Variants in COL6A6 observed in about 807,000 individuals in gnomAD.
The protein encoded by COL6A6 is collagen alpha-6(VI) chain.
A neutral mutation model predicts 208.6 loss-of-function variants in COL6A6; 183 were observed. The ratio of observed to expected loss-of-function variants is 0.88; its 90% CI spans 0.78 to 0.99. COL6A6 has a LOEUF of 0.99. Among genes scored for constraint, COL6A6 ranks in the 50% least tolerant of loss-of-function variants. COL6A6 has a pLI of 0.00. For missense variants in COL6A6, 2,816 were observed against 2,815.2 expected (o/e 1.00, Z -0.01); for synonymous variants, 973 against 1,011.8 (o/e 0.96, Z 0.73).
At chr3:130,590,904 A>G in intron 12 of COL6A6, 137 bp from the exon 13 acceptor site, 1 of 690,644 alleles carries the variant, frequency 1.4e-6, no homozygotes, top group Non-Finnish European at 2.6e-6. Flanking sequence ...AATGCAACCT[A>G]CATTGGGAAG....
At chr3:130,605,194 T>C (rs6774269) in intron 20 of COL6A6, among the ~76,000 whole-genome samples, 5,221 of 152,268 alleles carry the variant, frequency 0.034, 332 homozygotes, top group African/African-American at 0.12. Flanking sequence ...ATCTCAAAAA[T>C]CTCTTCTTCC....
rs78900487 is a variant in COL6A6, at chr3:130,590,898, C to T, written c.4219-143C>T. 6.9e-4 allele frequency: 467 copies of T among 674,334 alleles called. 1 individual carries two copies. In the African/African-American group the frequency reaches 7.2e-3, roughly 10 times the overall value. The allele number at this position is 674,334 out of a possible 1,614,324, so 41.8% of individuals were successfully genotyped here. ...CCATTTCTTTTTATGTGTGTAAATG[C>T]AACCTACATTGGGAAGGAAGGACCA... On this transcript the variant is annotated intron_variant, in intron 12 of 36. Coordinates refer to ENST00000358511, the MANE Select transcript of COL6A6 (RefSeq NM_001102608.3).
intron 23 of COL6A6, among the ~76,000 whole-genome samples, chr3:130,612,360 T>C (rs777826316): frequency 6.6e-6 from 1 of 152,174 alleles, no homozygotes; most frequent in African/African-American, 2.4e-5. Flanking sequence ...ACCACACTGC[T>C]TTCCACAATG....
intron 1 of COL6A6, among the ~76,000 whole-genome samples, chr3:130,541,570 C>T (rs2062364285): frequency 6.6e-6 from 1 of 152,194 alleles, no homozygotes; most frequent in Non-Finnish European, 1.5e-5. Flanking sequence ...TTCCCATGAG[C>T]AATGAATCAG....
At chr3:130,662,483 T>C (rs1576420931) in intron 35 of COL6A6, among the ~76,000 whole-genome samples, 175 bp downstream of exon 35, 1 of 152,166 alleles carries the variant, frequency 6.6e-6, no homozygotes, top group Admixed American at 6.5e-5. Flanking sequence ...AACCTCTGAT[T>C]CCTACACATT....
At chr3:130,600,868 A>G (rs1417958183) in intron 20 of COL6A6, among the ~76,000 whole-genome samples, 2 of 152,146 alleles carry the variant, frequency 1.3e-5, no homozygotes, top group Admixed American at 6.5e-5. Context: ...GGAACTTAAA[A>G]TAAAAATAAA....
At chr3:130,584,639 G>C (rs373381872) in intron 10 of COL6A6, among the ~76,000 whole-genome samples, 1 of 151,418 alleles carries the variant, frequency 6.6e-6, no homozygotes, top group East Asian at 1.9e-4. Flanking sequence ...TTTTGAGATG[G>C]AGTCTTGCCC....
intron 33 of COL6A6, among the ~76,000 whole-genome samples, chr3:130,651,726 G>A (rs1264809499): frequency 1.3e-5 from 2 of 152,180 alleles, no homozygotes; most frequent in Non-Finnish European, 2.9e-5. Context: ...TGGTTACATA[G>A]TCCTTGTAAT....
chr3:130,646,397 A>C (rs1402955655), intron 32 of COL6A6: 1 of 152,330 alleles, frequency 6.6e-6, no homozygotes, highest in African/African-American at 2.4e-5. Flanking sequence ...ACATAGTGAA[A>C]CCCCATCTCT....
In COL6A6 at chr3:130,566,844, T is replaced by C; in HGVS notation, c.1425T>C (p.Val475=). 1 of 1,614,004 alleles carries C rather than the reference T, an allele frequency of 6.2e-7. No homozygotes were observed. Among genetic ancestry groups the C allele is most frequent in the African/African-American group, 1.3e-5 (1 of 75,046 alleles). ...MFNIAPHKVR[V]GAVQYADSWD... is the part of the protein sequence containing the mutation. ...ACATTGCTCCCCATAAGGTGCGGGT[T>C]GGGGCCGTTCAGTATGCTGACAGCT... The change falls in exon 5 of 37, where the codon GTT becomes GTC. Residue 475 remains valine, a synonymous_variant. Coordinates refer to ENST00000358511, the MANE Select transcript of COL6A6 (RefSeq NM_001102608.3).
At chr3:130,666,078 TC>T (rs1254637884) in intron 36 of COL6A6, among the ~76,000 whole-genome samples, 1 of 152,132 alleles carries the variant, frequency 6.6e-6, no homozygotes, top group Non-Finnish European at 1.5e-5. Flanking sequence ...AGAATGTTTT[TC>T]AGAACACCTT....
At chr3:130,518,632 G>A (rs12633862) in intron 1 of COL6A6, among the ~76,000 whole-genome samples, 9,147 of 152,154 alleles carry the variant, frequency 0.06, 396 homozygotes, top group East Asian at 0.11. Context: ...TCAGCCTCGC[G>A]AGTAGCTGGG....
chr3:130,598,348 TTATTTTC>T lies in COL6A6; in HGVS notation c.4534-10_4534-4del. 1 of 1,508,926 alleles carries T rather than the reference TTATTTTC, an allele frequency of 6.6e-7. No homozygotes were observed. Among genetic ancestry groups the T allele is most frequent in the Non-Finnish European group, 9.0e-7 (1 of 1,109,974 alleles). 93.5% of individuals were successfully genotyped at this position (1,508,926 alleles called of 1,614,324 possible). ...TGTCCAAATATATTAATTTTTCTCT[TTATTTTC>T]TATTTTTAGGGAGCTCCTGGAGTTG... On this transcript the variant is annotated splice_polypyrimidine_tract_variant and intron_variant, in intron 18 of 36. Transcript: ENST00000358511.
intron 36 of COL6A6, among the ~76,000 whole-genome samples, chr3:130,665,619 T>C (rs6774527): frequency 0.013 from 2,032 of 152,332 alleles, 51 homozygotes; most frequent in African/African-American, 0.047. Context: ...TAATGAATTA[T>C]AACACTTTGA....
chr3:130,645,669 A>G (rs1034060504), intron 32 of COL6A6, among the ~76,000 whole-genome samples: 1 of 152,232 alleles, frequency 6.6e-6, no homozygotes, highest in Non-Finnish European at 1.5e-5. Context: ...TGCAGAAGGC[A>G]GAATAAAAGT....
At chr3:130,543,401 T>G (rs534327411) in intron 1 of COL6A6, among the ~76,000 whole-genome samples, 1 of 152,342 alleles carries the variant, frequency 6.6e-6, no homozygotes, top group Non-Finnish European at 1.5e-5. Context: ...TTCGATGCCC[T>G]TTTTCTTTGT....
intron 15 of COL6A6, 149 bp downstream of exon 15, chr3:130,592,871 C>G: frequency 1.1e-6 from 1 of 903,410 alleles, no homozygotes; most frequent in South Asian, 1.7e-5. Context: ...TTCTTCTTCT[C>G]TTTCATTATA....
At chr3:130,581,193 T>C (rs73868921) in intron 8 of COL6A6, among the ~76,000 whole-genome samples, 1,550 of 152,300 alleles carry the variant, frequency 0.01, 30 homozygotes, top group African/African-American at 0.035. Flanking sequence ...ATTTGTTGAA[T>C]GACCTCAATT....
chr3:130,589,133 G>A lies in COL6A6; in HGVS notation c.4169G>A (p.Cys1390Tyr). The change falls in exon 12 of 37, where the codon TGC (cysteine) becomes TAC (tyrosine). Residue 1390 changes from cysteine to tyrosine, a missense_variant. Physicochemically the swap from Cys to Tyr is radical, Grantham distance 194 (BLOSUM62 -2). Coordinates refer to ENST00000358511, the MANE Select transcript of COL6A6 (RefSeq NM_001102608.3). ...ERTCCCLFCK[C>Y]IGGDGTMGDP... ...ACATGCTGCTGTTTGTTCTGCAAGT[G>A]CATTGGAGGAGATGGCACAATGGGA... 6.2e-7 allele frequency: 1 copy of A among 1,613,886 alleles called. No individual in the cohort carries two copies. The highest frequency in any genetic ancestry group is 1.1e-5 in the South Asian group (1 of 91,074).
Sources: allele counts gnomAD v4.1 joint callset (sites outside exome capture counted in the v4.1 genomes callset), GRCh38; gene constraint gnomAD v4.1.1; transcripts MANE v1.5; gene names NCBI Gene and HGNC (gene_info 2026-07-23, HGNC 2026-07-21).